The following ADGRB3 variants were observed in gnomAD, a reference collection of about 807,000 sequenced individuals.
ADGRB3 encodes the protein brain-specific angiogenesis inhibitor 3.
Under a neutral mutation model 193.4 loss-of-function variants are expected in ADGRB3, and 37 were observed. The observed-to-expected ratio is 0.19, with a 90% CI of 0.15 to 0.25. The LOEUF (loss-of-function observed/expected upper bound fraction) is 0.25, where lower values mean the gene tolerates loss of function less well. ADGRB3 is among the 10% of genes least tolerant of loss of function. The probability of loss-of-function intolerance (pLI) is 1.00; values close to 1 mark genes in which losing one functional copy is unlikely to be tolerated. For missense variants in ADGRB3, 1,637 were observed against 1,852.9 expected (o/e 0.88, Z 2.14); for synonymous variants, 690 against 644.2 (o/e 1.07, Z -1.08).
intron 3 of ADGRB3, among the ~76,000 whole-genome samples, chr6:68,748,251 AT>A (rs1429544714): frequency 6.6e-6 from 1 of 152,104 alleles, no homozygotes; most frequent in Non-Finnish European, 1.5e-5. Context: ...GTCTTAACTC[AT>A]TTCAGCATTA....
chr6:68,808,736 AAGG>A (rs1395569068), intron 3 of ADGRB3, among the ~76,000 whole-genome samples: 4 of 88,190 alleles, frequency 4.5e-5, no homozygotes, highest in South Asian at 6.6e-4. Context: ...GGAGAGAAAA[AAGG>A]AGGAGGAAAA....
intron 3 of ADGRB3, among the ~76,000 whole-genome samples, chr6:68,854,189 ATC>A (rs1428029041): frequency 6.6e-6 from 1 of 152,108 alleles, no homozygotes; most frequent in African/African-American, 2.4e-5. Flanking sequence ...CCATTAGGTA[ATC>A]TCTGCAGTTC....
intron 17 of ADGRB3, among the ~76,000 whole-genome samples, chr6:69,106,179 A>AAAAAAAAAG (rs1554143751): frequency 3.6e-5 from 5 of 140,734 alleles, no homozygotes; most frequent in African/African-American, 5.1e-5. Context: ...AAAAAAAAAA[A>AAAAAAAAAG]AAAAGAAAAG....
At chr6:69,275,813 T>C (rs1229539636) in intron 20 of ADGRB3, among the ~76,000 whole-genome samples, 3 of 152,162 alleles carry the variant, frequency 2.0e-5, no homozygotes, top group African/African-American at 7.2e-5. Flanking sequence ...TTACTTATGA[T>C]AGCCTCTTGA....
chr6:68,725,548 A>G (rs542463661), intron 3 of ADGRB3, among the ~76,000 whole-genome samples: 1 of 151,810 alleles, frequency 6.6e-6, no homozygotes, highest in Admixed American at 6.6e-5. Context: ...GTCAGAGGTG[A>G]GGAAAACAAG....
intron 11 of ADGRB3, among the ~76,000 whole-genome samples, chr6:69,003,683 G>A (rs529748841): frequency 2.4e-4 from 37 of 152,080 alleles, no homozygotes; most frequent in South Asian, 4.2e-4. Flanking sequence ...TTTAAACCCC[G>A]CCCTTATTGT....
intron 17 of ADGRB3, among the ~76,000 whole-genome samples, chr6:69,082,155 A>G (rs1450613777): frequency 6.6e-6 from 1 of 152,124 alleles, no homozygotes; most frequent in Admixed American, 6.5e-5. Context: ...TGCAACTCCT[A>G]AAATATTTAC....
rs147984216 is a variant in ADGRB3, at chr6:68,792,080, C to A, written c.758-138479C>A. Among the ~76,000 whole-genome samples, 285 of 152,288 alleles carry A rather than the reference C, an allele frequency of 1.9e-3. 3 individuals carry two copies. The highest frequency in any genetic ancestry group is 6.5e-3 in the African/African-American group (269 of 41,576). On this transcript the variant is annotated intron_variant, in intron 3 of 31. Coordinates refer to ENST00000370598, the MANE Select transcript of ADGRB3 (RefSeq NM_001704.3). ...GATTGCTTTCCTCTTTTTACCATCT[C>A]TATGTTTTAGAATCTTGACTAGAAC...
chr6:69,232,951 A>G, intron 17 of ADGRB3: 1 of 445,890 alleles, frequency 2.2e-6, no homozygotes, highest in Non-Finnish European at 4.0e-6. Flanking sequence ...CGATGAGCAT[A>G]GGAAGTGGCT....
chr6:68,956,669 G>T lies in ADGRB3; in HGVS notation c.1385G>T (p.Gly462Val). Residue 462 changes from glycine (G) to valine (V), a missense_variant, in exon 8 of 32, where the codon GGT (glycine) becomes GTT (valine). This residue lies in a region of ADGRB3 where 641 missense variants were observed against 673.9 expected (regional missense o/e 0.95). Coordinates refer to ENST00000370598, the MANE Select transcript of ADGRB3 (RefSeq NM_001704.3). ...GCCAATGGTCAATGGAATCAGTGGG[G>T]TCATTGGAGTGGTTGTTCCAAGTCC... ...CTANGQWNQW[G>V]HWSGCSKSCD... is the part of the protein sequence containing the mutation. The T allele has an allele frequency of 6.2e-7, 1 of 1,613,990 alleles. No homozygotes were observed. Among genetic ancestry groups the T allele is most frequent in the Non-Finnish European group, 8.5e-7 (1 of 1,179,966 alleles).
chr6:69,031,440 C>CAAA (rs540284027), intron 13 of ADGRB3, among the ~76,000 whole-genome samples: 1,707 of 118,422 alleles, frequency 0.014, 58 homozygotes, highest in African/African-American at 0.051. Flanking sequence ...GACTCCATCT[C>CAAA]AAAAAAAAAA....
chr6:69,227,496 C>T (rs1291204691), intron 17 of ADGRB3, among the ~76,000 whole-genome samples: 1 of 152,062 alleles, frequency 6.6e-6, no homozygotes, highest in Admixed American at 6.6e-5. Flanking sequence ...GCGAGAAACA[C>T]AATGAAGAGA....
chr6:69,336,604 G>A (rs1768854001), intron 24 of ADGRB3, among the ~76,000 whole-genome samples: 1 of 152,040 alleles, frequency 6.6e-6, no homozygotes, highest in Admixed American at 6.5e-5. Context: ...AGTAATGTGT[G>A]TAAAGTTTTT....
intron 29 of ADGRB3, among the ~76,000 whole-genome samples, chr6:69,362,100 G>A (rs1303788862): frequency 6.6e-6 from 1 of 151,722 alleles, no homozygotes; most frequent in Non-Finnish European, 1.5e-5. Flanking sequence ...TTAAAATTTT[G>A]CATCTTAGAC....
intron 30 of ADGRB3, among the ~76,000 whole-genome samples, chr6:69,375,982 T>C (rs1329396059): frequency 6.6e-6 from 1 of 151,326 alleles, no homozygotes; most frequent in Non-Finnish European, 1.5e-5. Context: ...CAAAAAGAAC[T>C]GTATCCATAT....
intron 3 of ADGRB3, among the ~76,000 whole-genome samples, chr6:68,678,414 C>T (rs1044587437): frequency 6.6e-6 from 1 of 152,162 alleles, no homozygotes; most frequent in African/African-American, 2.4e-5. Flanking sequence ...ATAGCCTTCT[C>T]CATTTATCAC....
chr6:69,128,965 G>A (rs1317690151), intron 17 of ADGRB3, among the ~76,000 whole-genome samples: 1 of 152,142 alleles, frequency 6.6e-6, no homozygotes, highest in Non-Finnish European at 1.5e-5. Flanking sequence ...AGACCAGTTC[G>A]TTTCAAGTTA....
At chr6:69,021,681 T>C (rs1770275925) in intron 13 of ADGRB3, among the ~76,000 whole-genome samples, 1 of 151,896 alleles carries the variant, frequency 6.6e-6, no homozygotes, top group Non-Finnish European at 1.5e-5. Context: ...ATGGCCTTAA[T>C]TCATCAAGAT....
intron 15 of ADGRB3, among the ~76,000 whole-genome samples, chr6:69,058,044 C>G (rs1249701143): frequency 6.6e-6 from 1 of 151,850 alleles, no homozygotes; most frequent in African/African-American, 2.4e-5. Flanking sequence ...TCATAGAATT[C>G]TCTAGTGAAG....
Sources: gnomAD v4.1 joint callset for allele counts (sites outside exome capture counted in the v4.1 genomes callset) on GRCh38, gnomAD v4.1.1 for gene constraint, gnomAD v4.1.1 regional missense constraint, MANE v1.5 for transcripts, NCBI Gene and HGNC (gene_info 2026-07-23, HGNC 2026-07-21) for gene names.